Variants in PRELID2 observed in about 807,000 individuals in gnomAD.
PRELID2 encodes the protein PRELI domain containing 2, also known as PRELI domain-containing protein 2.
Under a neutral mutation model 28.4 loss-of-function variants are expected in PRELID2, and 25 were observed. The ratio of observed to expected loss-of-function variants is 0.88; its 90% CI spans 0.64 to 1.23. The LOEUF is 1.23. PRELID2 is among the 50% of genes most tolerant of loss of function. The probability of loss-of-function intolerance (pLI) is 0.00; values close to 1 mark genes in which losing one functional copy is unlikely to be tolerated. For synonymous variants in PRELID2, 76 were observed against 71.6 expected, an observed-to-expected ratio of 1.06 and a Z score of -0.31; for missense variants, 201 against 214.4, an observed-to-expected ratio of 0.94 and a Z score of 0.39.
At chr5:145,687,350 A>G (rs1755057356) in intron 1 of PRELID2, among the ~76,000 whole-genome samples, 1 of 152,210 alleles carries the variant, frequency 6.6e-6, no homozygotes, top group Non-Finnish European at 1.5e-5. Context: ...CATCGTCAAA[A>G]GACAATCAGA....
the PRELID2 span, among the ~76,000 whole-genome samples, chr5:145,384,028 G>A: frequency 6.6e-6 from 1 of 151,938 alleles, no homozygotes; most frequent in Non-Finnish European, 1.5e-5. Flanking sequence ...ATAAAAGAAG[G>A]TATACTAACG....
Position 145,518,630 on chromosome 5 carries a change from G to C in PRELID2, n.71-45315C>G, listed in dbSNP as rs548883030. On this transcript the variant is annotated intron_variant and non_coding_transcript_variant, in intron 1 of 2. Transcript: ENST00000510259. ...AACAATATAGAGGATTAACATTTAT[G>C]GTTATCAGTCATTTGCATCAATCAA... is the stretch of plus-strand genomic sequence containing the variant. 3.3e-5 allele frequency among the ~76,000 whole-genome samples: 5 copies of C among 152,320 alleles called. No individual in the cohort carries two copies. The East Asian group carries it at 7.7e-4, about 24-fold the overall frequency.
intron 1 of PRELID2, among the ~76,000 whole-genome samples, chr5:145,653,479 A>G (rs935208590): frequency 2.6e-5 from 4 of 152,214 alleles, no homozygotes; most frequent in African/African-American, 7.2e-5. Context: ...ATTATTCCAA[A>G]ATTGACCACA....
At chr5:145,545,689 AC>A (rs1159266082) in intron 1 of PRELID2, among the ~76,000 whole-genome samples, 3 of 152,048 alleles carry the variant, frequency 2.0e-5, no homozygotes. Context: ...CAAGAATGGA[AC>A]CCATCTGTCC....
At chr5:145,786,110 G>A (rs990060741) in intron 5 of PRELID2, among the ~76,000 whole-genome samples, 1 of 152,104 alleles carries the variant, frequency 6.6e-6, no homozygotes, top group Non-Finnish European at 1.5e-5. Flanking sequence ...CTGTTAATGA[G>A]GTTTCTGGGA....
At chr5:145,556,549 C>A (rs1752881737) in intron 1 of PRELID2, among the ~76,000 whole-genome samples, 1 of 152,192 alleles carries the variant, frequency 6.6e-6, no homozygotes, top group South Asian at 2.1e-4. Context: ...ACCCATAACC[C>A]ACTCTTTGTC....
the PRELID2 span, among the ~76,000 whole-genome samples, chr5:145,301,930 C>CTTTT: frequency 8.2e-5 from 9 of 110,188 alleles, no homozygotes; most frequent in East Asian, 5.3e-4. Context: ...TTATTCATTT[C>CTTTT]TTTTTTTTTT....
chr5:145,805,469 T>C (rs1306488915), intron 4 of PRELID2, among the ~76,000 whole-genome samples: 2 of 152,144 alleles, frequency 1.3e-5, no homozygotes, highest in East Asian at 3.9e-4. Flanking sequence ...ACTCAACAGA[T>C]TCATCAGGAG....
chr5:145,532,807 T>C (rs900867047), intron 1 of PRELID2, among the ~76,000 whole-genome samples: 2 of 152,156 alleles, frequency 1.3e-5, no homozygotes, highest in African/African-American at 4.8e-5. Context: ...CTTCTGTTTA[T>C]AGACTGAAGA....
intron 1 of PRELID2, among the ~76,000 whole-genome samples, chr5:145,597,230 T>C (rs1409259466): frequency 6.6e-6 from 1 of 152,224 alleles, no homozygotes; most frequent in Non-Finnish European, 1.5e-5. Context: ...TTATCCTATG[T>C]ATTAGCAACT....
chr5:145,535,090 C>A (rs777675892), intron 1 of PRELID2, among the ~76,000 whole-genome samples: 1 of 151,876 alleles, frequency 6.6e-6, no homozygotes. Flanking sequence ...TCCCAGGAGC[C>A]ATATTTGTAA....
At chr5:145,255,155 A>G in the PRELID2 span, among the ~76,000 whole-genome samples, 2 of 152,124 alleles carry the variant, frequency 1.3e-5, no homozygotes, top group African/African-American at 2.4e-5. Context: ...AATATTTGGC[A>G]TTCAATTAAA....
At chr5:145,625,098 A>T (rs542586661) in intron 1 of PRELID2, among the ~76,000 whole-genome samples, 1 of 152,302 alleles carries the variant, frequency 6.6e-6, no homozygotes, top group South Asian at 2.1e-4. Flanking sequence ...ATACGTAAGG[A>T]TCTCTTAAAC....
chr5:145,269,093 C>T, the PRELID2 span, among the ~76,000 whole-genome samples: 29 of 152,128 alleles, frequency 1.9e-4, no homozygotes, highest in East Asian at 3.5e-3. Context: ...TATTAAGATG[C>T]TAATACTCTC....
chr5:145,551,117 A>C (rs1432767845), intron 1 of PRELID2, among the ~76,000 whole-genome samples: 1 of 152,156 alleles, frequency 6.6e-6, no homozygotes, highest in African/African-American at 2.4e-5. Context: ...AGAAATCTTA[A>C]CCAATTTGCA....
the PRELID2 span, among the ~76,000 whole-genome samples, chr5:145,393,079 T>A: frequency 6.6e-6 from 1 of 152,228 alleles, no homozygotes; most frequent in Non-Finnish European, 1.5e-5. Flanking sequence ...TGATTTCTAC[T>A]AATATGTGAG....
downstream of PRELID2, among the ~76,000 whole-genome samples, chr5:145,755,258 A>T (rs1757226366): frequency 6.6e-6 from 1 of 152,172 alleles, no homozygotes; most frequent in Non-Finnish European, 1.5e-5. Flanking sequence ...GACTTTCTGG[A>T]GGGCAAACAA....
intron 1 of PRELID2, among the ~76,000 whole-genome samples, chr5:145,830,308 C>A (rs917277098): frequency 6.6e-6 from 1 of 152,194 alleles, no homozygotes; most frequent in Non-Finnish European, 1.5e-5. Flanking sequence ...AAAATCTTTA[C>A]TTCTCTGGCC....
chr5:145,405,560 G>A, the PRELID2 span, among the ~76,000 whole-genome samples: 1 of 152,056 alleles, frequency 6.6e-6, no homozygotes, highest in African/African-American at 2.4e-5. Flanking sequence ...GCAAATTGTA[G>A]GAAGCATGGT....
Sources: allele counts gnomAD v4.1 joint callset (sites outside exome capture counted in the v4.1 genomes callset), GRCh38; gene constraint gnomAD v4.1.1; transcripts MANE v1.5; gene names NCBI Gene and HGNC (gene_info 2026-07-23, HGNC 2026-07-21).